Variants in DGKB observed in about 807,000 individuals in gnomAD.
The protein encoded by DGKB is 90 kDa diacylglycerol kinase.
DGKB carries 67 observed loss-of-function variants against 114.3 expected under a neutral mutation model. The ratio of observed to expected loss-of-function variants is 0.59; its 90% confidence interval spans 0.48 to 0.72. The LOEUF (loss-of-function observed/expected upper bound fraction) is 0.72. Ranked by LOEUF, DGKB falls within the 30% of genes least tolerant of loss-of-function variation. The pLI, the probability that DGKB is intolerant of heterozygous loss-of-function variation, is 0.00. For missense variants in DGKB, 907 were observed against 975.2 expected, an observed-to-expected ratio of 0.93 and a Z score of 0.93; for synonymous variants, 398 against 323.1, an observed-to-expected ratio of 1.23 and a Z score of -2.49.
chr7:14,247,621 A>AT (rs1794673340), intron 23 of DGKB, among the ~76,000 whole-genome samples: 1 of 151,994 alleles, frequency 6.6e-6, no homozygotes, highest in African/African-American at 2.4e-5. Flanking sequence ...ATTTCTTCGC[A>AT]TATCTTTTGG....
intron 21 of DGKB, among the ~76,000 whole-genome samples, chr7:14,460,915 G>A (rs1241723779): frequency 6.6e-6 from 1 of 151,172 alleles, no homozygotes; most frequent in Non-Finnish European, 1.5e-5. Flanking sequence ...AGACCACAGT[G>A]CAATCAAATT....
chr7:14,698,673 G>C (rs1162252087), intron 7 of DGKB, among the ~76,000 whole-genome samples: 1 of 152,046 alleles, frequency 6.6e-6, no homozygotes, highest in Non-Finnish European at 1.5e-5. Flanking sequence ...AGGTTTGCAG[G>C]ACAAGTATAT....
At chr7:14,493,658 G>A (rs1179100144) in intron 20 of DGKB, among the ~76,000 whole-genome samples, 2 of 152,018 alleles carry the variant, frequency 1.3e-5, no homozygotes, top group Admixed American at 6.6e-5. Context: ...TTCAAGACCT[G>A]GGTGGGGAGG....
At chr7:14,884,168 T>G (rs1382003643) in intron 1 of DGKB, among the ~76,000 whole-genome samples, 2 of 151,986 alleles carry the variant, frequency 1.3e-5, no homozygotes, top group East Asian at 1.9e-4. Context: ...CCTAAAAATA[T>G]GCAAACGAAA....
At chr7:14,629,886 T>C (rs893797586) in intron 14 of DGKB, among the ~76,000 whole-genome samples, 3 of 152,100 alleles carry the variant, frequency 2.0e-5, no homozygotes, top group Non-Finnish European at 4.4e-5. Flanking sequence ...TTCTTTTGGA[T>C]TTCCAGCAAT....
intron 14 of DGKB, among the ~76,000 whole-genome samples, chr7:14,629,593 T>A (rs767208944): frequency 6.6e-6 from 1 of 152,096 alleles, no homozygotes; most frequent in African/African-American, 2.4e-5. Flanking sequence ...ATAATAACAA[T>A]TGAATTGGAT....
chr7:14,150,269 T>C (rs1023879240), intron 25 of DGKB, among the ~76,000 whole-genome samples: 1 of 152,076 alleles, frequency 6.6e-6, no homozygotes, highest in Non-Finnish European at 1.5e-5. Flanking sequence ...CAGAGATGAG[T>C]ATTTCTTTCA....
Position 14,617,158 on chromosome 7 carries a change from C to T in DGKB, c.1285-3745G>A, listed in dbSNP as rs990685586. On this transcript the variant is annotated intron_variant, in intron 15 of 25. Coordinates refer to ENST00000402815, the MANE Select transcript of DGKB (RefSeq NM_001350709.2). ...GGCTGCCATCAATGCCTTTCACTCC[C>T]AAATTCATGTCTGCCTTTTCTTCTA... Among the ~76,000 whole-genome samples, 108 of 151,672 alleles carry T rather than the reference C, an allele frequency of 7.1e-4. 5 individuals are homozygous for T. The highest frequency in any genetic ancestry group is 4.4e-5 in the Non-Finnish European group (3 of 67,718).
intron 13 of DGKB, among the ~76,000 whole-genome samples, chr7:14,653,495 G>A (rs1030134097): frequency 6.6e-6 from 1 of 151,920 alleles, no homozygotes; most frequent in Non-Finnish European, 1.5e-5. Flanking sequence ...TCACACTCTG[G>A]GGACTGTTGT....
intron 21 of DGKB, among the ~76,000 whole-genome samples, chr7:14,433,736 C>T (rs1828831644): frequency 6.6e-6 from 1 of 152,014 alleles, no homozygotes; most frequent in Non-Finnish European, 1.5e-5. Context: ...GTAGAGTATT[C>T]CTTATCTAAA....
chr7:14,456,711 T>C (rs181973735), intron 21 of DGKB, among the ~76,000 whole-genome samples: 18 of 152,178 alleles, frequency 1.2e-4, no homozygotes, highest in Admixed American at 1.2e-3. Context: ...CAAAAATATT[T>C]TACCATTTGT....
intron 12 of DGKB, among the ~76,000 whole-genome samples, chr7:14,675,619 T>C (rs1384008680): frequency 6.6e-6 from 1 of 151,682 alleles, no homozygotes; most frequent in East Asian, 1.9e-4. Context: ...AAATCTAGTA[T>C]GGGATTTCCC....
intron 21 of DGKB, among the ~76,000 whole-genome samples, chr7:14,450,009 T>C (rs577498985): frequency 2.0e-5 from 3 of 152,186 alleles, no homozygotes; most frequent in South Asian, 4.1e-4. Context: ...TCAAAGTTCA[T>C]TATGTATTAC....
chr7:14,679,125 T>C (rs376434541), intron 12 of DGKB, among the ~76,000 whole-genome samples: 3 of 152,114 alleles, frequency 2.0e-5, no homozygotes, highest in African/African-American at 4.8e-5. Flanking sequence ...ACTGGACAAC[T>C]ATCCATCCTT....
intron 5 of DGKB, among the ~76,000 whole-genome samples, chr7:14,730,268 T>C (rs1231752133): frequency 6.6e-6 from 1 of 152,154 alleles, no homozygotes. Flanking sequence ...GAATACTAAA[T>C]GGTTGGAGTT....
At chr7:14,813,448 G>T (rs569193361) in intron 2 of DGKB, among the ~76,000 whole-genome samples, 11 of 152,252 alleles carry the variant, frequency 7.2e-5, no homozygotes, top group Admixed American at 6.5e-4. Flanking sequence ...AGCGGAGTGT[G>T]CCTGAGAGCC....
intron 1 of DGKB, among the ~76,000 whole-genome samples, chr7:14,847,239 C>T (rs1022383131): frequency 6.9e-6 from 1 of 145,134 alleles, no homozygotes; most frequent in African/African-American, 2.5e-5. Flanking sequence ...TGCAGTGAGC[C>T]GAGATGGCGC....
chr7:14,724,918 C>T (rs1031851223), intron 5 of DGKB, among the ~76,000 whole-genome samples: 2 of 152,090 alleles, frequency 1.3e-5, no homozygotes, highest in South Asian at 2.1e-4. Flanking sequence ...ACCTGTAATC[C>T]TAGTGTTTTG....
At chr7:14,921,935 G>C (rs919835920) in intron 1 of DGKB, among the ~76,000 whole-genome samples, 4 of 152,134 alleles carry the variant, frequency 2.6e-5, no homozygotes, top group African/African-American at 9.7e-5. Context: ...CCAATCCACT[G>C]TGTTCTGATT....
Sources: gnomAD v4.1 joint callset for allele counts (sites outside exome capture counted in the v4.1 genomes callset) on GRCh38, gnomAD v4.1.1 for gene constraint, MANE v1.5 for transcripts, NCBI Gene and HGNC (gene_info 2026-07-23, HGNC 2026-07-21) for gene names.